The following FGF13 variants were observed in gnomAD, a reference collection of about 807,000 sequenced individuals.
FGF13 encodes the protein fibroblast growth factor 13.
In FGF13, 2 loss-of-function variants were observed where a neutral mutation model predicts 19.5. The observed-to-expected ratio is 0.10, with a 90% confidence interval of 0.04 to 0.32. The LOEUF (loss-of-function observed/expected upper bound fraction) is 0.32. Ranked by LOEUF, FGF13 falls within the 10% of genes least tolerant of loss-of-function variation. The pLI is 1.00. For synonymous variants in FGF13, 72 were observed against 76.9 expected (o/e 0.94, Z 0.33); for missense variants, 113 against 192.7 (o/e 0.59, Z 2.45).
intron 1 of FGF13, among the ~76,000 whole-genome samples, chrX:139,067,144 G>C (rs1223231836): frequency 9.0e-6 from 1 of 111,524 alleles, no homozygotes; most frequent in Non-Finnish European, 1.9e-5. Context: ...AAAATAATAA[G>C]AGCTATTTAT....
chrX:139,162,493 C>G (rs1242481459), intron 1 of FGF13, among the ~76,000 whole-genome samples: 2 of 111,857 alleles, frequency 1.8e-5, no homozygotes, highest in Non-Finnish European at 3.8e-5. Context: ...AAAGATGTCA[C>G]GACTGAAATA....
intron 3 of FGF13, among the ~76,000 whole-genome samples, chrX:138,841,730 T>C (rs778588406): frequency 6.3e-5 from 7 of 111,678 alleles, no homozygotes; most frequent in African/African-American, 2.3e-4. Context: ...TATTCTTTGA[T>C]AGTCTTTTGG....
chrX:138,765,804 T>A (rs1296114959), intron 3 of FGF13, among the ~76,000 whole-genome samples: 2 of 111,365 alleles, frequency 1.8e-5, no homozygotes, highest in Admixed American at 1.9e-4. Flanking sequence ...CCCTGCACAA[T>A]CACACTTGTC....
chrX:138,993,789 G>A (rs1377225426), intron 1 of FGF13, among the ~76,000 whole-genome samples: 2 of 111,586 alleles, frequency 1.8e-5, no homozygotes, highest in African/African-American at 6.5e-5. Context: ...ACCTTCCCAT[G>A]AAGCATAATA....
chrX:138,869,407 A>G (rs2091345999), intron 1 of FGF13, among the ~76,000 whole-genome samples: 1 of 112,556 alleles, frequency 8.9e-6, no homozygotes, highest in East Asian at 2.8e-4. Flanking sequence ...GTAGTAGCAA[A>G]AGCAGGGAGG....
At chrX:138,787,072 A>T (rs1257963458) in intron 3 of FGF13, among the ~76,000 whole-genome samples, 2 of 112,871 alleles carry the variant, frequency 1.8e-5, no homozygotes, top group East Asian at 5.6e-4. Context: ...AATTTGCAAC[A>T]GTTTTAGACT....
chrX:139,100,767 A>C (rs976743415), intron 1 of FGF13, among the ~76,000 whole-genome samples: 1 of 111,575 alleles, frequency 9.0e-6, no homozygotes, highest in African/African-American at 3.3e-5. Flanking sequence ...ACATCACAGC[A>C]TTCCCAGGGC....
chrX:138,745,383 CCT>C (rs375156101), intron 3 of FGF13, among the ~76,000 whole-genome samples: 6 of 111,086 alleles, frequency 5.4e-5, no homozygotes, highest in African/African-American at 6.5e-5. Flanking sequence ...TTGTGCAGTT[CCT>C]CTCTCTCTCT....
chrX:138,903,273 G>GCAAT (rs1437820434), intron 1 of FGF13, among the ~76,000 whole-genome samples: 9 of 111,675 alleles, frequency 8.1e-5, no homozygotes, highest in Admixed American at 2.9e-4. Context: ...TCAGCTGAAA[G>GCAAT]CAATCAATCT....
chrX:138,956,728 C>T (rs1041207347), intron 1 of FGF13, among the ~76,000 whole-genome samples: 6 of 111,066 alleles, frequency 5.4e-5, no homozygotes, highest in African/African-American at 1.6e-4. Flanking sequence ...TTCTTTTTAC[C>T]CACCCTTTTC....
At position 138,628,455 on chromosome X, in the gene FGF13, G is replaced by T. The variant is rs374393190; in HGVS notation, c.*4395C>A. The stretch of plus-strand genomic sequence containing the variant: ...AAATGGCTTTGAATAGAGGTTGAAA[G>T]GATTTTCAGAAACAATAGAAAAAAG... On this transcript the variant is annotated 3_prime_UTR_variant, in exon 5 of 5. Coordinates refer to ENST00000315930, the MANE Select transcript of FGF13 (RefSeq NM_004114.5). 8.9e-5 allele frequency: 10 copies of T among 112,146 alleles called. No individual in the cohort carries two copies. In the East Asian group the frequency reaches 2.5e-3, roughly 29 times the overall value. The allele number at this position is 112,146 out of a possible 1,213,427, so 9.2% of individuals were successfully genotyped here. A position where few individuals can be genotyped will look rare whatever the true frequency, so the allele number is the denominator to read the frequency against.
chrX:138,940,160 C>T (rs1395349023), intron 1 of FGF13, among the ~76,000 whole-genome samples: 1 of 111,639 alleles, frequency 9.0e-6, no homozygotes, highest in Non-Finnish European at 1.9e-5. Context: ...TTGCATTTCT[C>T]TAATGATTAG....
chrX:138,938,617 T>C (rs946134274), intron 1 of FGF13, among the ~76,000 whole-genome samples: 1 of 111,458 alleles, frequency 9.0e-6, no homozygotes, highest in Non-Finnish European at 1.9e-5. Context: ...GCCCCTGGCA[T>C]AGTCTCACCC....
intron 3 of FGF13, among the ~76,000 whole-genome samples, chrX:138,755,546 A>G (rs1464472237): frequency 2.7e-5 from 3 of 112,808 alleles, no homozygotes; most frequent in South Asian, 3.6e-4. Context: ...GGCAATAAAC[A>G]TGGTTATTAA....
intron 3 of FGF13, among the ~76,000 whole-genome samples, chrX:138,817,144 T>C (rs2090967205): frequency 8.9e-6 from 1 of 111,758 alleles, no homozygotes; most frequent in Non-Finnish European, 1.9e-5. Context: ...CCTGCAATGA[T>C]AGGAGGGCAA....
intron 3 of FGF13, among the ~76,000 whole-genome samples, chrX:138,647,561 T>G (rs1268330861): frequency 8.9e-6 from 1 of 111,958 alleles, no homozygotes; most frequent in African/African-American, 3.2e-5. Flanking sequence ...CTAGCTACAA[T>G]TCATAACTGA....
chrX:138,707,762 C>T (rs1203926315), intron 2 of FGF13, among the ~76,000 whole-genome samples: 2 of 111,888 alleles, frequency 1.8e-5, no homozygotes, highest in African/African-American at 6.5e-5. Flanking sequence ...TTAAAAGTGA[C>T]TTCCTCTCGA....
chrX:138,811,054 A>G (rs901747380), intron 3 of FGF13, among the ~76,000 whole-genome samples: 1 of 112,252 alleles, frequency 8.9e-6, no homozygotes, highest in African/African-American at 3.2e-5. Context: ...TTAAGGATCT[A>G]GAACTAGAAA....
At chrX:138,903,969 T>C (rs952434561) in intron 1 of FGF13, among the ~76,000 whole-genome samples, 6 of 111,161 alleles carry the variant, frequency 5.4e-5, no homozygotes, top group African/African-American at 1.6e-4. Context: ...ACAGTGGCAG[T>C]TATGATTGAC....
Sources: allele counts gnomAD v4.1 joint callset (sites outside exome capture counted in the v4.1 genomes callset), GRCh38; gene constraint gnomAD v4.1.1; transcripts MANE v1.5; gene names NCBI Gene and HGNC (gene_info 2026-07-23, HGNC 2026-07-21).